The following MYZAP variants were observed in gnomAD, a reference collection of about 807,000 sequenced individuals.
MYZAP encodes GRINL1A complex locus upstream.
Under a neutral mutation model 69.4 loss-of-function variants are expected in MYZAP, and 66 were observed. The observed-to-expected ratio is 0.95, with a 90% CI of 0.78 to 1.17. The LOEUF (loss-of-function observed/expected upper bound fraction) is 1.17. MYZAP is among the 50% of genes most tolerant of loss of function. MYZAP has a pLI of 0.00. For synonymous variants in MYZAP, 256 were observed against 205.9 expected (o/e 1.24, Z -2.09); for missense variants, 611 against 556.2 (o/e 1.10, Z -0.99).
chr15:57,599,781 G>C, intron 1 of MYZAP: 3 of 1,107,382 alleles, frequency 2.7e-6, no homozygotes, highest in South Asian at 1.3e-5. Flanking sequence ...ATGGAGGGAG[G>C]TAGACTGTAC....
chr15:57,651,566 G>T (rs1240847273), intron 10 of MYZAP, among the ~76,000 whole-genome samples: 1 of 152,210 alleles, frequency 6.6e-6, no homozygotes, highest in African/African-American at 2.4e-5. Flanking sequence ...TCTGAACAGG[G>T]TGTGGTGTGA....
intron 8 of MYZAP, among the ~76,000 whole-genome samples, chr15:57,634,080 G>A (rs1474847380): frequency 6.6e-6 from 1 of 152,150 alleles, no homozygotes; most frequent in African/African-American, 2.4e-5. Context: ...CAGCAGCCCT[G>A]TTGTTTCTGG....
intron 3 of MYZAP, among the ~76,000 whole-genome samples, chr15:57,621,082 A>T (rs1226064373): frequency 1.4e-5 from 2 of 148,034 alleles, no homozygotes; most frequent in Non-Finnish European, 3.0e-5. Flanking sequence ...ATAAAATTAT[A>T]TATATATAAA....
At chr15:57,595,136 T>C (rs879474424) in intron 1 of MYZAP, among the ~76,000 whole-genome samples, 4 of 152,156 alleles carry the variant, frequency 2.6e-5, no homozygotes, top group African/African-American at 4.8e-5. Flanking sequence ...TTAGCCTTTG[T>C]TCAATGGCTG....
At chr15:57,631,376 G>A (rs1298321928) in intron 6 of MYZAP, among the ~76,000 whole-genome samples, 1 of 151,406 alleles carries the variant, frequency 6.6e-6, no homozygotes, top group Admixed American at 6.6e-5. Flanking sequence ...GCCCACAGTT[G>A]CCTGTTTTAG....
At chr15:57,648,598 A>C (rs1567227075) in intron 10 of MYZAP, 1 of 377,148 alleles carries the variant, frequency 2.7e-6, no homozygotes, top group Non-Finnish European at 3.6e-6. Context: ...TCTCTCAGCA[A>C]ATAATGATGG....
chr15:57,651,108 C>T (rs1488407639), intron 10 of MYZAP, among the ~76,000 whole-genome samples: 2 of 152,156 alleles, frequency 1.3e-5, no homozygotes, highest in Non-Finnish European at 2.9e-5. Flanking sequence ...CGGAGGACAG[C>T]AAGAAGGCTC....
intron 2 of MYZAP, among the ~76,000 whole-genome samples, chr15:57,610,899 G>A (rs2453093): frequency 0.02 from 3,091 of 152,196 alleles, 118 homozygotes; most frequent in African/African-American, 0.071. Context: ...CCCATGAAGA[G>A]AAACCAAGGC....
chr15:57,630,966 G>C (rs150179726), intron 6 of MYZAP, among the ~76,000 whole-genome samples: 1 of 152,104 alleles, frequency 6.6e-6, no homozygotes, highest in Non-Finnish European at 1.5e-5. Flanking sequence ...AGGGGCTGCC[G>C]GTCCACCGCC....
At chr15:57,648,639 C>A in intron 10 of MYZAP, 1 of 201,552 alleles carries the variant, frequency 5.0e-6, no homozygotes, top group Non-Finnish European at 8.8e-6. Context: ...TCTGTGACTC[C>A]AAAGTCAGCC....
At chr15:57,650,414 T>C (rs546010889) in intron 10 of MYZAP, among the ~76,000 whole-genome samples, 1 of 152,330 alleles carries the variant, frequency 6.6e-6, no homozygotes, top group Non-Finnish European at 1.5e-5. Flanking sequence ...GAGGACCTTC[T>C]GGCTGACATT....
At chr15:57,618,271 A>T (rs1180250717) in intron 3 of MYZAP, 83 bp downstream of exon 3, 23 of 1,530,680 alleles carry the variant, frequency 1.5e-5, no homozygotes, top group Non-Finnish European at 1.6e-5. Flanking sequence ...ATTGAAGTGA[A>T]TGTAATAAGG....
At chr15:57,644,116 A>G (rs1476370675) in intron 10 of MYZAP, among the ~76,000 whole-genome samples, 2 of 151,726 alleles carry the variant, frequency 1.3e-5, no homozygotes, top group Non-Finnish European at 2.9e-5. Context: ...CGTTTTAAAA[A>G]CTCTGCAAGT....
At chr15:57,637,980 G>T (rs1035064949) in intron 9 of MYZAP, among the ~76,000 whole-genome samples, 14 of 152,202 alleles carry the variant, frequency 9.2e-5, no homozygotes, top group African/African-American at 3.1e-4. Context: ...ATGGCTGGTT[G>T]TTAGTGTAGT....
intron 10 of MYZAP, among the ~76,000 whole-genome samples, chr15:57,644,987 T>C (rs2037367840): frequency 6.6e-6 from 1 of 152,248 alleles, no homozygotes; most frequent in African/African-American, 2.4e-5. Flanking sequence ...ATGGATCCTC[T>C]TCCAACTGTG....
chr15:57,628,584 T>A (rs1203772245), intron 5 of MYZAP, among the ~76,000 whole-genome samples: 1 of 152,130 alleles, frequency 6.6e-6, no homozygotes, highest in East Asian at 1.9e-4. Flanking sequence ...CTTGCTTCAG[T>A]GCGGCCTGGA....
At chr15:57,614,221 C>G (rs944517080) in intron 2 of MYZAP, among the ~76,000 whole-genome samples, 1 of 152,218 alleles carries the variant, frequency 6.6e-6, no homozygotes, top group Non-Finnish European at 1.5e-5. Flanking sequence ...CTAAAGTTCC[C>G]TATTCATTCA....
chr15:57,603,784 G>A lies in MYZAP; in HGVS notation c.76-485G>A, dbSNP rs757593714. Among the ~76,000 whole-genome samples the A allele has an allele frequency of 5.3e-5, 8 of 152,230 alleles. No individual in the cohort carries two copies. The East Asian group carries it at 1.5e-3, about 29-fold the overall frequency. On this transcript the variant is annotated intron_variant, in intron 1 of 12. Transcript: ENST00000267853. ...CCTTTTGGCTATTGTGGATAATGCTGCTATGAACATGGGTATATGGACTTT... is the reference window on the plus strand; with the variant it reads ...CCTTTTGGCTATTGTGGATAATGCTACTATGAACATGGGTATATGGACTTT...
intron 2 of MYZAP, among the ~76,000 whole-genome samples, chr15:57,612,525 A>C (rs2035172273): frequency 6.6e-6 from 1 of 152,192 alleles, no homozygotes. Context: ...TGGAGCATCT[A>C]TTTATGCTGG....
Sources: allele counts gnomAD v4.1 joint callset (sites outside exome capture counted in the v4.1 genomes callset), GRCh38; gene constraint gnomAD v4.1.1; transcripts MANE v1.5; gene names NCBI Gene and HGNC (gene_info 2026-07-23, HGNC 2026-07-21).